AKR7A3: variants seen among roughly 807,000 people sequenced by gnomAD.
AKR7A3 encodes aldo-keto reductase family 7 member A3.
AKR7A3 carries 37 observed loss-of-function variants against 32.5 expected under a neutral mutation model. That is an observed-to-expected ratio of 1.14 (90% CI 0.88 to 1.50). AKR7A3 has a LOEUF of 1.50. AKR7A3 is among the 40% of genes most tolerant of loss of function. AKR7A3 has a pLI of 0.00. For missense variants in AKR7A3, 412 were observed against 453.2 expected, an observed-to-expected ratio of 0.91 and a Z score of 0.83; for synonymous variants, 177 against 188.4, an observed-to-expected ratio of 0.94 and a Z score of 0.50.
chr1:19,288,268 G>A (rs1168880737), intron 1 of AKR7A3, among the ~76,000 whole-genome samples: 3 of 151,978 alleles, frequency 2.0e-5, no homozygotes, highest in Non-Finnish European at 1.5e-5. Context: ...GCTACCTCCC[G>A]GAAGAGAAGA....
downstream of AKR7A3, among the ~76,000 whole-genome samples, chr1:19,278,893 G>A (rs546454089): frequency 4.6e-5 from 7 of 151,998 alleles, no homozygotes; most frequent in East Asian, 1.9e-4. Flanking sequence ...TGCAATTGGC[G>A]TCTTTAATTT....
chr1:19,281,394 C>T (rs1053869234), downstream of AKR7A3, among the ~76,000 whole-genome samples: 2 of 151,720 alleles, frequency 1.3e-5, no homozygotes, highest in African/African-American at 2.4e-5. Context: ...TCCCAGCATT[C>T]GAGGCACCAA....
rs369151274 is a variant in AKR7A3, at chr1:19,286,338, C to T, written c.249G>A (p.Gly83=). The change falls in exon 2 of 7, where the codon GGG becomes GGA. Residue 83 remains glycine, a synonymous_variant. Transcript: ENST00000361640. ...KIDTKAIPLF[G]NSLKPDSLRF... ...GGAGACTGTCAGGCTTCAGGGAGTT[C>T]CCAAACAGTGGAATGGCCTTGGTAT... 1.2e-6 allele frequency: 2 copies of T among 1,613,696 alleles called. No individual in the cohort carries two copies. Among genetic ancestry groups the T allele is most frequent in the African/African-American group, 1.3e-5 (1 of 74,622 alleles).
At chr1:19,282,449 G>T (rs2093720380), downstream of AKR7A3, 3 of 485,554 alleles carry the variant, frequency 6.2e-6, no homozygotes, top group Non-Finnish European at 1.1e-5. Flanking sequence ...AAGAGCAGAT[G>T]CCGGCACCAC....
chr1:19,276,994 A>T, the AKR7A3 span, among the ~76,000 whole-genome samples: 1 of 151,698 alleles, frequency 6.6e-6, no homozygotes, highest in Non-Finnish European at 1.5e-5. Flanking sequence ...CATGCCTATA[A>T]TCCCAGTTAC....
chr1:19,284,064 A>G lies in AKR7A3; in HGVS notation c.766T>C (p.Tyr256His). Residue 256 changes from tyrosine to histidine, a missense_variant, in exon 6 of 7, where the codon TAT (tyrosine) becomes CAT (histidine). Tyr to His is a moderately conservative substitution (Grantham distance 83, BLOSUM62 2). Coordinates refer to ENST00000361640, the MANE Select transcript of AKR7A3 (RefSeq NM_012067.3). ...GTCATGCTGGGGGCGCTGGCGCCATACGCGGCCTGCAGGGCCTTCTCCACC... is the reference window on the plus strand; with the variant it reads ...GTCATGCTGGGGGCGCTGGCGCCATGCGCGGCCTGCAGGGCCTTCTCCACC... ...ALVEKALQAA[Y>H]GASAPSMTSA... 2.5e-6 allele frequency: 4 copies of G among 1,613,748 alleles called. No homozygotes were observed. The highest frequency in any genetic ancestry group is 3.4e-6 in the Non-Finnish European group (4 of 1,179,854).
At chr1:19,274,246 C>T in the AKR7A3 span, 9 of 1,304,844 alleles carry the variant, frequency 6.9e-6, no homozygotes, top group Non-Finnish European at 8.9e-6. Context: ...CGCTGGACTC[C>T]GCTCTCAACC....
chr1:19,277,553 G>A, the AKR7A3 span, among the ~76,000 whole-genome samples: 5 of 150,940 alleles, frequency 3.3e-5, no homozygotes, highest in East Asian at 2.0e-4. Flanking sequence ...ACAAAGTCTC[G>A]CTCTGTTGTA....
At chr1:19,287,611 A>T (rs956410615) in intron 1 of AKR7A3, among the ~76,000 whole-genome samples, 2 of 151,796 alleles carry the variant, frequency 1.3e-5, no homozygotes, top group African/African-American at 2.4e-5. Context: ...CTATACACAC[A>T]TCCTCCCCTC....
downstream of AKR7A3, among the ~76,000 whole-genome samples, chr1:19,280,542 T>C (rs184821420): frequency 2.0e-5 from 3 of 151,776 alleles, no homozygotes; most frequent in Admixed American, 2.0e-4. Flanking sequence ...TATCCAGATG[T>C]TGTTGAAGAT....
At position 19,283,912 on chromosome 1, in the gene AKR7A3, TAAAC is replaced by T. The variant is rs2093723292; in HGVS notation, c.834+80_834+83del. 2.5e-6 allele frequency: 4 copies of T among 1,587,356 alleles called. No homozygotes were observed. The Admixed American group carries it at 5.3e-5, about 21-fold the overall frequency. ...GAAAGAGAAATTTCAGAGGAATCGA[TAAAC>T]AAATGTTTCAGCCTTCATCTAAAGA... is the stretch of plus-strand genomic sequence containing the variant. On this transcript the variant is annotated intron_variant, in intron 6 of 6. Coordinates refer to ENST00000361640, the MANE Select transcript of AKR7A3 (RefSeq NM_012067.3).
downstream of AKR7A3, among the ~76,000 whole-genome samples, chr1:19,279,939 A>T (rs1009891140): frequency 3.6e-4 from 54 of 151,168 alleles, no homozygotes; most frequent in Admixed American, 7.2e-4. Flanking sequence ...TTTTTTTTTT[A>T]AGTTCATCAG....
At chr1:19,279,927 AT>A (rs200029197), downstream of AKR7A3, among the ~76,000 whole-genome samples, 24,471 of 148,478 alleles carry the variant, frequency 0.16, 2,559 homozygotes, top group African/African-American at 0.28. Flanking sequence ...TTTTCTTGTG[AT>A]TTTTTTTTTT....
At chr1:19,275,243 C>T in the AKR7A3 span, among the ~76,000 whole-genome samples, 1 of 151,406 alleles carries the variant, frequency 6.6e-6, no homozygotes, top group Non-Finnish European at 1.5e-5. Flanking sequence ...GAAACCCCAT[C>T]TCTACTAAAA....
intron 5 of AKR7A3, 137 bp downstream of exon 5, chr1:19,284,549 G>T: frequency 1.0e-6 from 1 of 982,886 alleles, no homozygotes; most frequent in Non-Finnish European, 1.6e-6. Flanking sequence ...CCGATGGAGG[G>T]TTTGGAAATT....
intron 5 of AKR7A3, 115 bp from the exon 6 acceptor site, chr1:19,284,240 C>G: frequency 7.1e-7 from 1 of 1,408,970 alleles, no homozygotes; most frequent in Admixed American, 2.7e-5. Context: ...GGCAGGTGTT[C>G]TCTCTAGCCA....
chr1:19,276,393 A>G, the AKR7A3 span, among the ~76,000 whole-genome samples: 1 of 149,866 alleles, frequency 6.7e-6, no homozygotes, highest in Non-Finnish European at 1.5e-5. Context: ...GAACAATGCT[A>G]TTAACCAAGT....
At chr1:19,274,899 C>CAAAAAAAAAAAAAAA in the AKR7A3 span, among the ~76,000 whole-genome samples, 3,515 of 43,214 alleles carry the variant, frequency 0.081, 775 homozygotes, top group East Asian at 0.18. Context: ...TCTCTAAATA[C>CAAAAAAAAAAAAAAA]AAAAAAAAAA....
intron 1 of AKR7A3, among the ~76,000 whole-genome samples, chr1:19,288,058 C>G (rs1348151862): frequency 6.6e-6 from 1 of 152,200 alleles, no homozygotes; most frequent in African/African-American, 2.4e-5. Context: ...GGTCCAAACT[C>G]TGATTTTGGA....
Sources: allele counts gnomAD v4.1 joint callset (sites outside exome capture counted in the v4.1 genomes callset), GRCh38; gene constraint gnomAD v4.1.1; transcripts MANE v1.5; gene names NCBI Gene and HGNC (gene_info 2026-07-23, HGNC 2026-07-21).